TLR1: variants seen among roughly 807,000 people sequenced by gnomAD.
TLR1 encodes the protein toll-like receptor 1.
Under a neutral mutation model 20.2 loss-of-function variants are expected in TLR1, and 19 were observed. The observed-to-expected ratio is 0.94, with a 90% confidence interval of 0.66 to 1.38. TLR1 has a LOEUF of 1.38. Ranked by LOEUF, TLR1 falls within the 40% of genes most tolerant of loss-of-function variation. The pLI is 0.00. For missense variants in TLR1, 921 were observed against 910.0 expected (o/e 1.01, Z -0.16); for synonymous variants, 320 against 334.5 (o/e 0.96, Z 0.47).
upstream of TLR1, chr4:38,805,434 A>G (rs1726952664): frequency 6.6e-6 from 1 of 152,218 alleles, no homozygotes; most frequent in Admixed American, 6.5e-5. Context: ...AGAGATTCTT[A>G]GCGTGTTTTT....
intron 3 of TLR1, 97 bp from the exon 4 acceptor site, chr4:38,798,995 A>G (rs1366613332): frequency 1.7e-6 from 1 of 590,134 alleles, no homozygotes; most frequent in Non-Finnish European, 2.9e-6. Context: ...TTTGTTACAG[A>G]CTTATAAAGT....
chr4:38,801,919 G>A (rs565850259), intron 2 of TLR1, among the ~76,000 whole-genome samples: 3 of 152,292 alleles, frequency 2.0e-5, no homozygotes, highest in South Asian at 2.1e-4. Flanking sequence ...TCTCTAAGCC[G>A]GGGGCCATGG....
At chr4:38,792,185 A>G (rs1033320567), downstream of TLR1, among the ~76,000 whole-genome samples, 1 of 152,226 alleles carries the variant, frequency 6.6e-6, no homozygotes, top group Non-Finnish European at 1.5e-5. Flanking sequence ...TTGAGCCAGG[A>G]TTTAATCCCA....
At position 38,796,518 on chromosome 4, in the gene TLR1, A is replaced by T; in HGVS notation, c.2314T>A (p.Leu772Ile). Reference sequence around the variant, plus strand: ...AGCTTAATATTAATGGCTGCCCTTAAGTTAGCCCAAAAAAGGCCACGTTTG... The same window carrying T: ...AGCTTAATATTAATGGCTGCCCTTATGTTAGCCCAAAAAAGGCCACGTTTG... ...KSKRGLFWAN[L>I]RAAINIKLTE... Residue 772 changes from leucine (L) to isoleucine (I), a missense_variant, in exon 4 of 4, where the codon TTA becomes ATA. Leu to Ile is a conservative substitution (Grantham distance 5). Transcript: ENST00000308979. 6.2e-7 allele frequency: 1 copy of T among 1,614,020 alleles called. No homozygotes were observed. Among genetic ancestry groups the T allele is most frequent in the Non-Finnish European group, 8.5e-7 (1 of 1,179,902 alleles).
downstream of TLR1, among the ~76,000 whole-genome samples, chr4:38,793,990 G>C (rs923093478): frequency 6.6e-6 from 1 of 152,046 alleles, no homozygotes; most frequent in African/African-American, 2.4e-5. Flanking sequence ...AAAGAGACTG[G>C]GTTGTCCACA....
chr4:38,797,410 A>C lies in TLR1; in HGVS notation c.1422T>G (p.Asn474Lys). 2.5e-6 allele frequency: 4 copies of C among 1,614,232 alleles called. No homozygotes were observed. Among genetic ancestry groups the C allele is most frequent in the Admixed American group, 3.3e-5 (2 of 60,026 alleles). ...VVKLEALQELNVAFNSLTDLP... is the reference protein window; with the variant it reads ...VVKLEALQELKVAFNSLTDLP... ...GGTCAGTTAAAGAATTGAAAGCAACATTGAGTTCTTGCAAAGCTTCCAGTT... is the reference window on the plus strand; with the variant it reads ...GGTCAGTTAAAGAATTGAAAGCAACCTTGAGTTCTTGCAAAGCTTCCAGTT... The change falls in exon 4 of 4, where the codon AAT becomes AAG. Residue 474 changes from asparagine to lysine, a missense_variant. Coordinates refer to ENST00000308979, the MANE Select transcript of TLR1 (RefSeq NM_003263.4).
chr4:38,795,902 T>A (rs1726014842), downstream of TLR1, among the ~76,000 whole-genome samples: 1 of 152,198 alleles, frequency 6.6e-6, no homozygotes, highest in African/African-American at 2.4e-5. Context: ...ATCCACCAGC[T>A]CTTTCTGACA....
downstream of TLR1, among the ~76,000 whole-genome samples, chr4:38,793,104 G>A (rs1182777226): frequency 6.6e-6 from 1 of 151,968 alleles, no homozygotes; most frequent in African/African-American, 2.4e-5. Flanking sequence ...CATTAGAAGA[G>A]CATTTTGGAG....
At chr4:38,796,136 G>A, downstream of TLR1, 1 of 237,982 alleles carries the variant, frequency 4.2e-6, no homozygotes, top group Non-Finnish European at 8.3e-6. Flanking sequence ...AAAAGTCACG[G>A]CATTTTCCAA....
In TLR1 at chr4:38,798,438, A is replaced by T. The variant is rs141970382; in HGVS notation, c.394T>A (p.Cys132Ser). 2.5e-6 allele frequency: 4 copies of T among 1,613,814 alleles called. No homozygotes were observed. In the South Asian group the frequency reaches 4.4e-5, roughly 18 times the overall value. The part of the protein sequence containing the change: ...SFNAFDALPI[C>S]KEFGNMSQLK... Reference sequence around the variant, plus strand: ...TGAGACATATTGCCAAACTCTTTGCATATAGGCAGGGCATCAAATGCATTA... The same window carrying T: ...TGAGACATATTGCCAAACTCTTTGCTTATAGGCAGGGCATCAAATGCATTA... The change falls in exon 4 of 4, where the codon TGC becomes AGC. Residue 132 changes from cysteine to serine, a missense_variant. By Grantham distance (112) the Cys-to-Ser change is moderately radical. Transcript: ENST00000308979.
chr4:38,799,349 T>C (rs1726471682), intron 3 of TLR1, among the ~76,000 whole-genome samples: 1 of 152,002 alleles, frequency 6.6e-6, no homozygotes, highest in African/African-American at 2.4e-5. Context: ...GAAGAGGCAA[T>C]TGAGACACAG....
At chr4:38,791,348 T>C (rs575478506), downstream of TLR1, 1 of 152,336 alleles carries the variant, frequency 6.6e-6, no homozygotes, top group African/African-American at 2.4e-5. Context: ...GTTGAAATTT[T>C]TCATAAATTC....
downstream of TLR1, among the ~76,000 whole-genome samples, chr4:38,788,095 A>G (rs4833092): frequency 0.15 from 22,417 of 152,000 alleles, 2,875 homozygotes; most frequent in African/African-American, 0.35. Context: ...TGACATGGGG[A>G]AGAAAAGGAG....
At chr4:38,799,791 T>C (rs1726507553) in intron 3 of TLR1, among the ~76,000 whole-genome samples, 1 of 152,228 alleles carries the variant, frequency 6.6e-6, no homozygotes, top group South Asian at 2.1e-4. Flanking sequence ...AATTAGATCC[T>C]GATAAAAGGC....
At position 38,798,619 on chromosome 4, in the gene TLR1, C is replaced by T. The variant is rs772275682; in HGVS notation, c.213G>A (p.Leu71=). The T allele has an allele frequency of 2.7e-5, 43 of 1,613,402 alleles. No homozygotes were observed. Among genetic ancestry groups the T allele is most frequent in the Non-Finnish European group, 3.3e-5 (39 of 1,179,562 alleles). The change falls in exon 4 of 4, where the codon CTG becomes CTA. Residue 71 remains leucine, a synonymous_variant. Coordinates refer to ENST00000308979, the MANE Select transcript of TLR1 (RefSeq NM_003263.4). ...WTSDILSLSK[L]RILIISHNRI... ...TATTATGAGAAATTATCAAAATCCTCAGTTTTGACAGTGATAAGATGTCAG... is the reference window on the plus strand; with the variant it reads ...TATTATGAGAAATTATCAAAATCCTTAGTTTTGACAGTGATAAGATGTCAG...
At chr4:38,787,597 T>C (rs1041433713), downstream of TLR1, among the ~76,000 whole-genome samples, 1 of 152,086 alleles carries the variant, frequency 6.6e-6, no homozygotes, top group East Asian at 1.9e-4. Flanking sequence ...AATAATATAT[T>C]TTATATAATT....
In TLR1 at chr4:38,797,913, C is replaced by G. The variant is rs1438566411; in HGVS notation, c.919G>C (p.Val307Leu). The change falls in exon 4 of 4, where the codon GTT becomes CTT. Residue 307 changes from valine to leucine, a missense_variant. By Grantham distance (32) the Val-to-Leu change is conservative. Transcript: ENST00000308979. ...TSLKALSIHQVVSDVFGFPQS... is the reference protein window; with the variant it reads ...TSLKALSIHQLVSDVFGFPQS... Reference sequence around the variant, plus strand: ...GGAAAACCGAACACATCGCTGACAACTTGGTGTATAGACAAGGCCTTCAAG... The same window carrying G: ...GGAAAACCGAACACATCGCTGACAAGTTGGTGTATAGACAAGGCCTTCAAG... 4 of 1,614,010 alleles carry G rather than the reference C, an allele frequency of 2.5e-6. No individual in the cohort carries two copies. Among genetic ancestry groups the G allele is most frequent in the Admixed American group, 1.7e-5 (1 of 60,000 alleles).
At chr4:38,792,853 T>TTATATATATATATATATATATATGTA (rs72518392), downstream of TLR1, among the ~76,000 whole-genome samples, 1 of 122,218 alleles carries the variant, frequency 8.2e-6, no homozygotes, top group African/African-American at 3.0e-5. Flanking sequence ...TATTTTCAAA[T>TTATATATATATATATATATATATGTA]TATATATATA....
chr4:38,795,003 G>C (rs186124979), downstream of TLR1, among the ~76,000 whole-genome samples: 26 of 152,310 alleles, frequency 1.7e-4, no homozygotes, highest in African/African-American at 6.0e-4. Context: ...AATGAGAAGA[G>C]TGACCAAGGA....
Sources: allele counts gnomAD v4.1 joint callset (sites outside exome capture counted in the v4.1 genomes callset), GRCh38; gene constraint gnomAD v4.1.1; transcripts MANE v1.5; gene names NCBI Gene and HGNC (gene_info 2026-07-23, HGNC 2026-07-21).